The following CHIC2 variants were observed in gnomAD, a reference collection of about 807,000 sequenced individuals.
The protein encoded by CHIC2 is cysteine rich hydrophobic domain 2.
Under a neutral mutation model 25.9 loss-of-function variants are expected in CHIC2, and 14 were observed. The ratio of observed to expected loss-of-function variants is 0.54; its 90% CI spans 0.36 to 0.85. The LOEUF (loss-of-function observed/expected upper bound fraction) is 0.85. Among genes scored for constraint, CHIC2 ranks in the 40% least tolerant of loss-of-function variants. CHIC2 has a pLI of 0.01. For missense variants in CHIC2, 146 were observed against 202.0 expected, an observed-to-expected ratio of 0.72 and a Z score of 1.68; for synonymous variants, 70 against 72.0, an observed-to-expected ratio of 0.97 and a Z score of 0.14.
At chr4:54,037,209 A>T (rs11935636) in intron 3 of CHIC2, among the ~76,000 whole-genome samples, 1 of 151,530 alleles carries the variant, frequency 6.6e-6, no homozygotes, top group African/African-American at 2.4e-5. Flanking sequence ...ATTAGCCAGG[A>T]GTGGTGATGC....
At position 54,044,012 on chromosome 4, in the gene CHIC2, G is replaced by T. The variant is rs552522964; in HGVS notation, c.330+4943C>A. ...AGGCAGGGGTTGCAATCCTAGTCTC[G>T]GATAAAACAGACTTTAAACCAACAA... On this transcript the variant is annotated intron_variant, in intron 3 of 5. Coordinates refer to ENST00000263921, the MANE Select transcript of CHIC2 (RefSeq NM_012110.4). Among the ~76,000 whole-genome samples, 181 of 152,016 alleles carry T rather than the reference G, an allele frequency of 1.2e-3. 1 individual carries two copies. Among genetic ancestry groups the T allele is most frequent in the African/African-American group, 1.7e-3 (69 of 41,450 alleles).
At chr4:54,080,022 TA>T in the CHIC2 span, among the ~76,000 whole-genome samples, 3 of 151,650 alleles carry the variant, frequency 2.0e-5, no homozygotes, top group Admixed American at 6.6e-5. Flanking sequence ...ATGAAATCGG[TA>T]TCTCAAAGAG....
chr4:54,087,201 C>A, the CHIC2 span: 2 of 670,142 alleles, frequency 3.0e-6, no homozygotes, highest in Non-Finnish European at 5.4e-6. Context: ...ACCAGCAAAG[C>A]ACCTCAGACC....
upstream of CHIC2, among the ~76,000 whole-genome samples, chr4:54,067,830 C>G (rs1271511199): frequency 6.6e-6 from 1 of 152,082 alleles, no homozygotes; most frequent in African/African-American, 2.4e-5. Context: ...CCTTTCTAAG[C>G]TTCCTTTTCT....
chr4:54,086,916 A>G, the CHIC2 span: 249 of 634,776 alleles, frequency 3.9e-4, 2 homozygotes, highest in South Asian at 4.0e-3. Context: ...GTTGGAATAA[A>G]AAGGGTTGAA....
chr4:54,052,209 T>C (rs964117331), intron 1 of CHIC2, among the ~76,000 whole-genome samples: 1 of 152,162 alleles, frequency 6.6e-6, no homozygotes. Flanking sequence ...ATTAAATGGA[T>C]AGGAAAAGTC....
chr4:54,091,460 C>T, the CHIC2 span, among the ~76,000 whole-genome samples: 1 of 152,166 alleles, frequency 6.6e-6, no homozygotes, highest in African/African-American at 2.4e-5. Context: ...TGTGCACATC[C>T]CCAGTTTCTC....
At chr4:54,023,450 T>C (rs1045130609) in intron 3 of CHIC2, among the ~76,000 whole-genome samples, 1 of 152,184 alleles carries the variant, frequency 6.6e-6, no homozygotes, top group Non-Finnish European at 1.5e-5. Context: ...TACTCACTCT[T>C]TGGGTCTCCC....
At chr4:54,052,726 G>A (rs1717038329) in intron 1 of CHIC2, among the ~76,000 whole-genome samples, 1 of 152,052 alleles carries the variant, frequency 6.6e-6, no homozygotes, top group Non-Finnish European at 1.5e-5. Flanking sequence ...ATTTTATGTT[G>A]GCAAGAAGGT....
chr4:54,064,816 T>C (rs1032701644), upstream of CHIC2: 2 of 253,502 alleles, frequency 7.9e-6, no homozygotes, highest in Non-Finnish European at 1.2e-5. The surrounding 1 kb of genome is among the most constrained non-coding windows in gnomAD (Gnocchi z 4.2). Flanking sequence ...GGGCGCGCGC[T>C]CCCGCCGGCG....
chr4:54,013,240 G>GT (rs1274710151), intron 5 of CHIC2, among the ~76,000 whole-genome samples: 2 of 152,036 alleles, frequency 1.3e-5, no homozygotes, highest in African/African-American at 4.8e-5. Context: ...CCCATGCTGA[G>GT]TAAGTTCTAA....
chr4:54,056,438 T>C (rs993375570), intron 1 of CHIC2, among the ~76,000 whole-genome samples: 2 of 152,194 alleles, frequency 1.3e-5, no homozygotes, highest in African/African-American at 2.4e-5. Flanking sequence ...ATTTACAATA[T>C]AGACTAACAA....
chr4:54,044,696 G>GA (rs1210914400), intron 3 of CHIC2, among the ~76,000 whole-genome samples: 90 of 152,192 alleles, frequency 5.9e-4, no homozygotes, highest in African/African-American at 2.0e-3. Context: ...GAGAAAGCAG[G>GA]AAAGATCTAA....
At position 54,009,985 on chromosome 4, in the gene CHIC2, ACACC is replaced by A; in HGVS notation, c.*106_*109del. The A allele has an allele frequency of 6.2e-6, 4 of 647,170 alleles. No homozygotes were observed. The highest frequency in any genetic ancestry group is 1.0e-5 in the Non-Finnish European group (4 of 386,676). The allele number at this position is 647,170 out of a possible 1,614,324, so 40.1% of individuals were successfully genotyped here. The stretch of plus-strand genomic sequence containing the variant: ...AAAAACAAAAACAAAAACAAAAAAA[ACACC>A]ACACGATTCTGTAGAACCAATGTTA... On this transcript the variant is annotated 3_prime_UTR_variant, in exon 6 of 6. Transcript: ENST00000263921.
upstream of CHIC2, chr4:54,065,167 C>G: frequency 3.2e-6 from 1 of 314,160 alleles, no homozygotes; most frequent in Non-Finnish European, 4.6e-6. Context: ...TTCAAGACAT[C>G]TCCAAATTCA....
At chr4:54,036,508 A>C (rs1272535057) in intron 3 of CHIC2, among the ~76,000 whole-genome samples, 2 of 152,050 alleles carry the variant, frequency 1.3e-5, no homozygotes, top group African/African-American at 4.8e-5. Context: ...CTTTTAAAAA[A>C]CCGGATCTTG....
upstream of CHIC2, among the ~76,000 whole-genome samples, chr4:54,068,474 CA>C (rs1401658519): frequency 1.3e-5 from 2 of 152,168 alleles, no homozygotes; most frequent in African/African-American, 4.8e-5. Flanking sequence ...CTTGAACTTC[CA>C]AGTTTCCAAA....
the CHIC2 span, chr4:54,087,722 C>T: frequency 1.9e-6 from 1 of 526,562 alleles, no homozygotes; most frequent in Non-Finnish European, 3.4e-6. Context: ...AAGAATTCTG[C>T]ATCTCTTTTT....
Position 54,026,034 on chromosome 4 carries a change from T to C in CHIC2, c.331-11915A>G, listed in dbSNP as rs144860842. ...GTCTTGCTTTTATTACCTTACTTAA[T>C]CTGCACAACAAGCCTATATGGCGGC... On this transcript the variant is annotated intron_variant, in intron 3 of 5. Transcript: ENST00000263921. Among the ~76,000 whole-genome samples the C allele has an allele frequency of 4.2e-3, 642 of 152,262 alleles. 6 individuals are homozygous for C. Among genetic ancestry groups the C allele is most frequent in the African/African-American group, 0.014 (588 of 41,538 alleles).
Sources: allele counts gnomAD v4.1 joint callset (sites outside exome capture counted in the v4.1 genomes callset), GRCh38; gene constraint gnomAD v4.1.1; non-coding constraint Gnocchi (gnomAD v3.1); transcripts MANE v1.5; gene names NCBI Gene and HGNC (gene_info 2026-07-23, HGNC 2026-07-21).